The following RAP1A variants were observed in gnomAD, a reference collection of about 807,000 sequenced individuals.
RAP1A encodes RAP1A, member of RAS oncogene family.
RAP1A carries 6 observed loss-of-function variants against 26.4 expected under a neutral mutation model. That is an observed-to-expected ratio of 0.23 (90% confidence interval 0.12 to 0.45). RAP1A has a LOEUF of 0.45. Ranked by LOEUF, RAP1A falls within the 20% of genes least tolerant of loss-of-function variation. The pLI is 0.99. For missense variants in RAP1A, 121 were observed against 217.2 expected, an observed-to-expected ratio of 0.56 and a Z score of 2.78; for synonymous variants, 73 against 79.4, an observed-to-expected ratio of 0.92 and a Z score of 0.43.
At chr1:111,637,417 A>G (rs1007718891) in intron 1 of RAP1A, among the ~76,000 whole-genome samples, 9 of 152,188 alleles carry the variant, frequency 5.9e-5, no homozygotes, top group African/African-American at 2.2e-4. Flanking sequence ...ATATAACTGT[A>G]TATTTGTTTA....
At chr1:111,642,193 C>G (rs963844945) in intron 1 of RAP1A, among the ~76,000 whole-genome samples, 2 of 151,838 alleles carry the variant, frequency 1.3e-5, no homozygotes, top group Non-Finnish European at 2.9e-5. Context: ...TGCAGTGAGC[C>G]GAGATCAAGC....
chr1:111,679,663 G>A (rs969933882), intron 1 of RAP1A, among the ~76,000 whole-genome samples: 3 of 152,160 alleles, frequency 2.0e-5, no homozygotes, highest in African/African-American at 7.2e-5. Flanking sequence ...ATCACTGGCT[G>A]GAAATTCTCT....
intron 1 of RAP1A, among the ~76,000 whole-genome samples, chr1:111,647,724 CCTT>C (rs1660115851): frequency 1.4e-4 from 19 of 140,738 alleles, no homozygotes; most frequent in African/African-American, 4.7e-4. Flanking sequence ...TTTTTTTTTT[CCTT>C]CTTTTAAATT....
At chr1:111,665,145 G>C (rs1472857309) in intron 1 of RAP1A, among the ~76,000 whole-genome samples, 2 of 152,172 alleles carry the variant, frequency 1.3e-5, no homozygotes, top group Non-Finnish European at 2.9e-5. Flanking sequence ...TTTAGTTGCT[G>C]TTGGTTACAC....
At chr1:111,651,948 T>G (rs914040179) in intron 1 of RAP1A, among the ~76,000 whole-genome samples, 35 of 152,004 alleles carry the variant, frequency 2.3e-4, no homozygotes, top group African/African-American at 6.0e-4. Flanking sequence ...TTTTTTTTTT[T>G]TGTGCAAAAA....
intron 1 of RAP1A, among the ~76,000 whole-genome samples, chr1:111,556,189 A>G (rs1405010079): frequency 6.6e-6 from 1 of 152,206 alleles, no homozygotes; most frequent in Non-Finnish European, 1.5e-5. Flanking sequence ...ACTAATTATT[A>G]GGGAAATGCA....
At chr1:111,677,237 A>G (rs1461114881) in intron 1 of RAP1A, among the ~76,000 whole-genome samples, 1 of 152,216 alleles carries the variant, frequency 6.6e-6, no homozygotes, top group East Asian at 1.9e-4. Context: ...CGTCAGTTGG[A>G]TATATCACAA....
At chr1:111,567,123 C>T (rs79074941) in intron 1 of RAP1A, among the ~76,000 whole-genome samples, 4 of 152,038 alleles carry the variant, frequency 2.6e-5, no homozygotes, top group South Asian at 2.1e-4. Flanking sequence ...ACATAGGCCC[C>T]GCCCTCAAGA....
chr1:111,609,387 C>A (rs1180636608), intron 1 of RAP1A, among the ~76,000 whole-genome samples: 1 of 152,090 alleles, frequency 6.6e-6, no homozygotes, highest in Non-Finnish European at 1.5e-5. Flanking sequence ...GTAGCAAATG[C>A]TATTTCTATT....
At chr1:111,668,992 C>G (rs185153702) in intron 1 of RAP1A, among the ~76,000 whole-genome samples, 3 of 146,364 alleles carry the variant, frequency 2.0e-5, no homozygotes, top group African/African-American at 7.6e-5. Context: ...CCACTGCGTT[C>G]CAGCCTGGGC....
At chr1:111,678,833 G>A (rs1302459456) in intron 1 of RAP1A, among the ~76,000 whole-genome samples, 1 of 150,874 alleles carries the variant, frequency 6.6e-6, no homozygotes, top group Non-Finnish European at 1.5e-5. Context: ...TAGCATTTTT[G>A]TATATTCCTT....
chr1:111,573,487 A>G (rs1458258394), intron 1 of RAP1A, among the ~76,000 whole-genome samples: 1 of 152,146 alleles, frequency 6.6e-6, no homozygotes, highest in African/African-American at 2.4e-5. Flanking sequence ...GGGATGCGCC[A>G]CAATGCCTGG....
chr1:111,585,091 C>T (rs1412497921), intron 1 of RAP1A, among the ~76,000 whole-genome samples: 2 of 152,168 alleles, frequency 1.3e-5, no homozygotes, highest in African/African-American at 4.8e-5. Flanking sequence ...TCTAGCTATT[C>T]CATCGTGGCT....
intron 1 of RAP1A, among the ~76,000 whole-genome samples, chr1:111,669,254 A>G (rs558128786): frequency 7.3e-4 from 111 of 152,310 alleles, no homozygotes; most frequent in Admixed American, 1.6e-3. Context: ...TCTGTGTCTA[A>G]TAAGTAGTGG....
chr1:111,698,892 A>G (rs1312118731), intron 4 of RAP1A, among the ~76,000 whole-genome samples: 2 of 151,568 alleles, frequency 1.3e-5, no homozygotes, highest in Non-Finnish European at 2.9e-5. Context: ...GAATCAGCAG[A>G]ATTCCCCTTT....
upstream of RAP1A, among the ~76,000 whole-genome samples, chr1:111,619,399 T>G (rs746403973): frequency 5.9e-5 from 9 of 152,206 alleles, no homozygotes; most frequent in Non-Finnish European, 8.8e-5. Context: ...TCCACCAGCA[T>G]GCAAGCTGCA....
intron 2 of RAP1A, among the ~76,000 whole-genome samples, chr1:111,691,961 T>C (rs1412705421): frequency 6.6e-6 from 1 of 152,212 alleles, no homozygotes; most frequent in Non-Finnish European, 1.5e-5. Context: ...GTTCTACTTG[T>C]GAGCGAGATA....
chr1:111,665,577 C>T (rs967230242), intron 1 of RAP1A, among the ~76,000 whole-genome samples: 1 of 152,182 alleles, frequency 6.6e-6, no homozygotes, highest in Non-Finnish European at 1.5e-5. Context: ...AGAATATTCA[C>T]TTTACTTAAG....
intron 1 of RAP1A, among the ~76,000 whole-genome samples, chr1:111,600,910 AG>A (rs1227038090): frequency 6.6e-6 from 1 of 152,210 alleles, no homozygotes; most frequent in Non-Finnish European, 1.5e-5. Context: ...AAGAGAAAAA[AG>A]AAACTATACA....
Sources: gnomAD v4.1 joint callset for allele counts (sites outside exome capture counted in the v4.1 genomes callset) on GRCh38, gnomAD v4.1.1 for gene constraint, MANE v1.5 for transcripts, NCBI Gene and HGNC (gene_info 2026-07-23, HGNC 2026-07-21) for gene names.